Variants in APOL5 observed in about 807,000 individuals in gnomAD.
The protein encoded by APOL5 is apolipoprotein L5.
Under a neutral mutation model 35.5 loss-of-function variants are expected in APOL5, and 29 were observed. That is an observed-to-expected ratio of 0.82 (90% CI 0.61 to 1.11). APOL5 has a LOEUF of 1.11. Among genes scored for constraint, APOL5 ranks in the 50% most tolerant of loss-of-function variants. The pLI is 0.00. For missense variants in APOL5, 514 were observed against 530.4 expected (o/e 0.97, Z 0.30); for synonymous variants, 188 against 200.2 (o/e 0.94, Z 0.51).
At chr22:35,718,712 A>T (rs1926852676) in intron 1 of APOL5, among the ~76,000 whole-genome samples, 1 of 152,166 alleles carries the variant, frequency 6.6e-6, no homozygotes, top group Non-Finnish European at 1.5e-5. Context: ...AATAATAGTT[A>T]TAACAACTGT....
In APOL5 at chr22:35,724,863, G is replaced by A. The variant is rs952980499; in HGVS notation, c.143-1348G>A. Among the ~76,000 whole-genome samples, 8 of 152,090 alleles carry A rather than the reference G, an allele frequency of 5.3e-5. No homozygotes were observed. In the East Asian group the frequency reaches 5.8e-4, roughly 11 times the overall value. Reference sequence around the variant, plus strand: ...TGACCTCAGGTGACCCACCCGCCTCGGTGTCCCAAAGTGCTGAGATTACAG... The same window carrying A: ...TGACCTCAGGTGACCCACCCGCCTCAGTGTCCCAAAGTGCTGAGATTACAG... On this transcript the variant is annotated intron_variant, in intron 2 of 4. Coordinates refer to ENST00000249044, the MANE Select transcript of APOL5 (RefSeq NM_030642.1).
chr22:35,720,323 G>A (rs1345489997), intron 1 of APOL5, among the ~76,000 whole-genome samples: 1 of 152,204 alleles, frequency 6.6e-6, no homozygotes, highest in Non-Finnish European at 1.5e-5. Flanking sequence ...GCCACTAGAA[G>A]CCTAAGCGAT....
chr22:35,721,961 G>A (rs934163201), intron 2 of APOL5, among the ~76,000 whole-genome samples: 4 of 152,190 alleles, frequency 2.6e-5, no homozygotes, highest in African/African-American at 9.7e-5. Flanking sequence ...ATGCAAATGG[G>A]TTGCCTGCGC....
In APOL5 at chr22:35,726,830, C is replaced by T; in HGVS notation, c.762C>T (p.Gly254=). 1.9e-6 allele frequency: 3 copies of T among 1,614,220 alleles called. No homozygotes were observed. The highest frequency in any genetic ancestry group is 1.6e-4 in the Middle Eastern group (1 of 6,062). ...HAYQMAKSNS[G]FMAMVKNFVA... is the part of the protein sequence containing the mutation. Reference sequence around the variant, plus strand: ...ACCAGATGGCCAAATCCAACTCTGGCTTCATGGCTATGGTCAAGAATTTTG... The same window carrying T: ...ACCAGATGGCCAAATCCAACTCTGGTTTCATGGCTATGGTCAAGAATTTTG... Residue 254 remains glycine (G), a synonymous_variant, in exon 3 of 5, where the codon GGC becomes GGT. Transcript: ENST00000249044.
At chr22:35,719,983 G>T (rs565336526) in intron 1 of APOL5, among the ~76,000 whole-genome samples, 1 of 152,310 alleles carries the variant, frequency 6.6e-6, no homozygotes, top group East Asian at 1.9e-4. Flanking sequence ...TCCTCCAACT[G>T]CCTTTGGCTA....
chr22:35,725,774 A>C (rs1191703596), intron 2 of APOL5, among the ~76,000 whole-genome samples: 1 of 152,056 alleles, frequency 6.6e-6, no homozygotes, highest in Non-Finnish European at 1.5e-5. Flanking sequence ...TATCTCGAGC[A>C]CTCATGTTAG....
At chr22:35,728,673 G>A (rs371512315) in intron 3 of APOL5, 50 bp from the exon 4 acceptor site, 5 of 1,583,494 alleles carry the variant, frequency 3.2e-6, no homozygotes, top group African/African-American at 1.4e-5. Flanking sequence ...ACGTCCAGGG[G>A]CAGATCTCTT....
intron 2 of APOL5, among the ~76,000 whole-genome samples, chr22:35,725,559 G>A (rs773716572): frequency 2.6e-5 from 4 of 151,942 alleles, no homozygotes; most frequent in Non-Finnish European, 5.9e-5. Flanking sequence ...GGCCAGGACT[G>A]GTTTTTTTTT....
intron 3 of APOL5, among the ~76,000 whole-genome samples, chr22:35,727,710 G>C (rs1256340303): frequency 6.6e-6 from 1 of 152,224 alleles, no homozygotes; most frequent in East Asian, 1.9e-4. Context: ...ACCTAGCAGT[G>C]CTTGGCACAT....
intron 3 of APOL5, among the ~76,000 whole-genome samples, chr22:35,728,278 C>T (rs1381730481): frequency 1.3e-5 from 2 of 152,150 alleles, no homozygotes; most frequent in Non-Finnish European, 1.5e-5. Context: ...GGCTGGAGTG[C>T]AGTGGCGCCA....
chr22:35,718,334 A>C (rs1184801674), intron 1 of APOL5, among the ~76,000 whole-genome samples: 1 of 152,160 alleles, frequency 6.6e-6, no homozygotes, highest in Non-Finnish European at 1.5e-5. Flanking sequence ...ACCCCAAAGC[A>C]CGGTTGGGCG....
upstream of APOL5, among the ~76,000 whole-genome samples, chr22:35,715,620 A>C (rs950752389): frequency 6.6e-6 from 1 of 152,232 alleles, no homozygotes; most frequent in Admixed American, 6.5e-5. Flanking sequence ...CTCCAGCCTG[A>C]GCCACAGAGC....
Position 35,728,713 on chromosome 22 carries a change from T to G in APOL5, c.1127-10T>G, listed in dbSNP as rs771410087. On this transcript the variant is annotated splice_polypyrimidine_tract_variant and intron_variant, in intron 3 of 4. Coordinates refer to ENST00000249044, the MANE Select transcript of APOL5 (RefSeq NM_030642.1). ...GGAAGTTGTAAGACACAGGGACTCA[T>G]GTTCCACAGGGTCTCGCTCACCTCT... 5 of 1,609,632 alleles carry G rather than the reference T, an allele frequency of 3.1e-6. No homozygotes were observed. The highest frequency in any genetic ancestry group is 1.6e-4 in the Middle Eastern group (1 of 6,072).
chr22:35,727,580 G>A (rs938175702), intron 3 of APOL5, among the ~76,000 whole-genome samples: 2 of 152,094 alleles, frequency 1.3e-5, no homozygotes, highest in African/African-American at 4.8e-5. Flanking sequence ...AGTCGAAGTC[G>A]CCCTCTTGCG....
At chr22:35,709,763 C>T in the APOL5 span, among the ~76,000 whole-genome samples, 2 of 152,128 alleles carry the variant, frequency 1.3e-5, no homozygotes, top group African/African-American at 2.4e-5. Flanking sequence ...CACTTCATCC[C>T]TGTCTTCTAT....
Position 35,727,090 on chromosome 22 carries a change from A to T in APOL5, c.1022A>T (p.Asp341Val). ...GCTAAGAAGCTGGAGCAGGAGCTGGACCGGCTCACCCAGCACCACCGGCAC... is the reference window on the plus strand; with the variant it reads ...GCTAAGAAGCTGGAGCAGGAGCTGGTCCGGCTCACCCAGCACCACCGGCAC... Reference protein sequence around the residue: ...ALAKKLEQELDRLTQHHRHLP... With the variant: ...ALAKKLEQELVRLTQHHRHLP... Residue 341 changes from aspartate to valine, a missense_variant, in exon 3 of 5, where the codon GAC (aspartate) becomes GTC (valine). This residue lies in a region of APOL5 where 238 missense variants were observed against 229.1 expected (regional missense o/e 1.04). Transcript: ENST00000249044. 1 of 1,611,968 alleles carries T rather than the reference A, an allele frequency of 6.2e-7. No individual in the cohort carries two copies. Among genetic ancestry groups the T allele is most frequent in the East Asian group, 2.2e-5 (1 of 44,864 alleles).
intron 1 of APOL5, among the ~76,000 whole-genome samples, chr22:35,718,930 G>A (rs977915868): frequency 6.6e-5 from 10 of 151,808 alleles, no homozygotes; most frequent in Admixed American, 3.9e-4. Flanking sequence ...ATGGTGGTGC[G>A]CACCTATAAT....
upstream of APOL5, among the ~76,000 whole-genome samples, chr22:35,717,235 A>AAAAAAT: frequency 1.7e-4 from 10 of 57,660 alleles, no homozygotes; most frequent in African/African-American, 6.4e-4. Context: ...AAAAAAAAAA[A>AAAAAAT]ATATATATAT....
intron 2 of APOL5, among the ~76,000 whole-genome samples, chr22:35,722,521 G>A (rs774447181): frequency 1.6e-4 from 25 of 152,100 alleles, no homozygotes; most frequent in Non-Finnish European, 2.9e-4. Context: ...GGCTGGTCTC[G>A]AACTCCTGAC....
Sources: allele counts gnomAD v4.1 joint callset (sites outside exome capture counted in the v4.1 genomes callset), GRCh38; gene constraint gnomAD v4.1.1; regional missense constraint gnomAD v4.1.1; transcripts MANE v1.5; gene names NCBI Gene and HGNC (gene_info 2026-07-23, HGNC 2026-07-21).